The following ELAVL4 variants were observed in gnomAD, a reference collection of about 807,000 sequenced individuals.
The protein encoded by ELAVL4 is ELAV like RNA binding protein 4.
In ELAVL4, 1 loss-of-function variant was observed where a neutral mutation model predicts 35.6. That is an observed-to-expected ratio of 0.03 (90% CI 0.01 to 0.13). The LOEUF is 0.13. Among genes scored for constraint, ELAVL4 ranks in the 10% least tolerant of loss-of-function variants. The pLI, the probability that ELAVL4 is intolerant of heterozygous loss-of-function variation, is 1.00. For missense variants in ELAVL4, 267 were observed against 464.9 expected, an observed-to-expected ratio of 0.57 and a Z score of 3.91; for synonymous variants, 156 against 171.0, an observed-to-expected ratio of 0.91 and a Z score of 0.69.
intron 1 of ELAVL4, among the ~76,000 whole-genome samples, chr1:50,057,760 G>T (rs1035003229): frequency 6.6e-6 from 1 of 152,108 alleles, no homozygotes; most frequent in African/African-American, 2.4e-5. Context: ...TTTGCATGAT[G>T]ACAAAATTGC....
At chr1:50,194,431 A>G (rs1683129008) in intron 4 of ELAVL4, among the ~76,000 whole-genome samples, 1 of 152,216 alleles carries the variant, frequency 6.6e-6, no homozygotes, top group Non-Finnish European at 1.5e-5. Context: ...TTCTTTGTCC[A>G]TAATAAAGAA....
intron 1 of ELAVL4, among the ~76,000 whole-genome samples, chr1:50,134,765 T>C (rs1671606419): frequency 6.6e-6 from 1 of 152,138 alleles, no homozygotes; most frequent in African/African-American, 2.4e-5. Context: ...TATAATGTGC[T>C]GAATGATCAA....
intron 1 of ELAVL4, among the ~76,000 whole-genome samples, chr1:50,120,734 T>C (rs1250181114): frequency 6.6e-6 from 1 of 152,046 alleles, no homozygotes; most frequent in Admixed American, 6.6e-5. Flanking sequence ...CATTAAGGAC[T>C]GCTTTTAGGG....
At chr1:50,077,954 A>G (rs1390088258) in intron 1 of ELAVL4, among the ~76,000 whole-genome samples, 1 of 152,136 alleles carries the variant, frequency 6.6e-6, no homozygotes, top group Non-Finnish European at 1.5e-5. Flanking sequence ...CTGGAGCCAG[A>G]CTTCCATGGT....
upstream of ELAVL4, among the ~76,000 whole-genome samples, chr1:50,107,278 G>A (rs913150615): frequency 2.0e-5 from 3 of 152,124 alleles, no homozygotes; most frequent in Non-Finnish European, 4.4e-5. Context: ...ACTTAACTGA[G>A]TATTGTTCCA....
upstream of ELAVL4, among the ~76,000 whole-genome samples, chr1:50,104,796 G>A (rs1039362499): frequency 1.3e-5 from 2 of 152,106 alleles, no homozygotes; most frequent in African/African-American, 2.4e-5. Context: ...TTGTTCAGGT[G>A]GTTCTATATC....
In ELAVL4 at chr1:50,122,913, A is replaced by G. The variant is rs78368502; in HGVS notation, c.9+13715A>G. Among the ~76,000 whole-genome samples, 1,273 of 152,214 alleles carry G rather than the reference A, an allele frequency of 8.4e-3. 8 individuals are homozygous for G. The highest frequency in any genetic ancestry group is 0.031 in the Middle Eastern group (9 of 294). ...CCACTCAGGATTGTTAGGATTAAAT[A>G]GACCCATTTGATAAAAACTTACTGA... is the stretch of plus-strand genomic sequence containing the variant. On this transcript the variant is annotated intron_variant, in intron 1 of 6. Transcript: ENST00000371824.
chr1:50,121,422 T>C (rs1669017958), intron 1 of ELAVL4, among the ~76,000 whole-genome samples: 1 of 152,034 alleles, frequency 6.6e-6, no homozygotes, highest in African/African-American at 2.4e-5. Flanking sequence ...AATGGAATGA[T>C]AGAATTGAAT....
chr1:50,125,156 T>C (rs1030006520), intron 1 of ELAVL4, among the ~76,000 whole-genome samples: 1 of 151,948 alleles, frequency 6.6e-6, no homozygotes, highest in African/African-American at 2.4e-5. Flanking sequence ...GGAGGATCAC[T>C]TGAGCCCGGG....
exon 1 of ELAVL4, chr1:50,048,100 C>T: frequency 6.9e-7 from 1 of 1,452,238 alleles, no homozygotes; most frequent in Non-Finnish European, 9.1e-7. Context: ...CGGACGTCTT[C>T]CCGCCCGCCG....
At position 50,197,472 on chromosome 1, in the gene ELAVL4, T is replaced by A. The variant is rs771885987; in HGVS notation, c.773+5T>A. On this transcript the variant is annotated splice_donor_5th_base_variant and intron_variant, in intron 6 of 6. Transcript: ENST00000371824. Reference sequence around the variant, plus strand: ...TATGGCCTATGGCGTAAAGAGGTAATTAAAACTCCACAGATTGCCAGATGT... The same window carrying A: ...TATGGCCTATGGCGTAAAGAGGTAAATAAAACTCCACAGATTGCCAGATGT... The A allele has an allele frequency of 6.4e-7, 1 of 1,574,598 alleles. No individual in the cohort carries two copies. Among genetic ancestry groups the A allele is most frequent in the South Asian group, 1.2e-5 (1 of 84,330 alleles).
At chr1:50,125,504 A>G (rs1221038390) in intron 1 of ELAVL4, among the ~76,000 whole-genome samples, 3 of 151,958 alleles carry the variant, frequency 2.0e-5, no homozygotes, top group East Asian at 3.9e-4. Context: ...CCTGACCTGC[A>G]TGTGGTGTAA....
chr1:50,121,014 GA>G (rs912269136), intron 1 of ELAVL4, among the ~76,000 whole-genome samples: 2 of 152,048 alleles, frequency 1.3e-5, no homozygotes, highest in Non-Finnish European at 2.9e-5. Flanking sequence ...GGAGGGCATA[GA>G]TCATGTCAAA....
At chr1:50,133,655 A>AAGAAAGAAAGAAAG (rs1557755667) in intron 1 of ELAVL4, among the ~76,000 whole-genome samples, 18 of 127,126 alleles carry the variant, frequency 1.4e-4, no homozygotes, top group African/African-American at 4.0e-4. Flanking sequence ...AAGAAAGAGA[A>AAGAAAGAAAGAAAG]AGAAAGAAAG....
chr1:50,170,938 T>C (rs1268140689), intron 2 of ELAVL4, among the ~76,000 whole-genome samples: 1 of 151,956 alleles, frequency 6.6e-6, no homozygotes, highest in African/African-American at 2.4e-5. Flanking sequence ...GTTGCTGAGG[T>C]GGGAGGATCG....
chr1:50,097,353 TAC>T (rs982140162), intron 1 of ELAVL4, among the ~76,000 whole-genome samples: 8 of 152,228 alleles, frequency 5.3e-5, no homozygotes, highest in African/African-American at 1.7e-4. Context: ...CCAGCATTAT[TAC>T]AGTGTAAAGT....
intron 1 of ELAVL4, among the ~76,000 whole-genome samples, chr1:50,090,671 T>A (rs899788648): frequency 2.0e-5 from 3 of 152,128 alleles, no homozygotes; most frequent in Admixed American, 1.3e-4. Flanking sequence ...GGCCTCAGAG[T>A]TCTCCTTTGT....
At chr1:50,163,312 T>C (rs1677127521) in intron 2 of ELAVL4, among the ~76,000 whole-genome samples, 1 of 152,228 alleles carries the variant, frequency 6.6e-6, no homozygotes, top group African/African-American at 2.4e-5. Context: ...ACTTTTCTAC[T>C]AGATCATGAG....
intron 2 of ELAVL4, among the ~76,000 whole-genome samples, chr1:50,154,752 TTGTGTGTGTGTG>T (rs35896145): frequency 6.8e-6 from 1 of 147,330 alleles, no homozygotes; most frequent in Admixed American, 6.8e-5. Flanking sequence ...TTGTTATATT[TTGTGTGTGTGTG>T]TGTGTGTGTG....
Sources: allele counts gnomAD v4.1 joint callset (sites outside exome capture counted in the v4.1 genomes callset), GRCh38; gene constraint gnomAD v4.1.1; transcripts MANE v1.5; gene names NCBI Gene and HGNC (gene_info 2026-07-23, HGNC 2026-07-21).